The following CFAP77 variants were observed in gnomAD, a reference collection of about 807,000 sequenced individuals.
The protein encoded by CFAP77 is cilia and flagella associated protein 77.
Under a neutral mutation model 31.1 loss-of-function variants are expected in CFAP77, and 25 were observed. That is an observed-to-expected ratio of 0.80 (90% CI 0.59 to 1.12). The LOEUF (loss-of-function observed/expected upper bound fraction) is 1.12, where lower values mean the gene tolerates loss of function less well. CFAP77 is among the 50% of genes most tolerant of loss of function. The probability of loss-of-function intolerance (pLI) is 0.00; values close to 1 mark genes in which losing one functional copy is unlikely to be tolerated. For missense variants in CFAP77, 377 were observed against 397.3 expected (o/e 0.95, Z 0.44); for synonymous variants, 151 against 159.9 (o/e 0.94, Z 0.42).
At chr9:132,478,154 A>G (rs1048576125) in intron 1 of CFAP77, among the ~76,000 whole-genome samples, 1 of 152,014 alleles carries the variant, frequency 6.6e-6, no homozygotes. Context: ...TGACTCGATC[A>G]TGGGGGGTGG....
chr9:132,448,655 C>T (rs924090034), intron 1 of CFAP77, among the ~76,000 whole-genome samples: 1 of 152,140 alleles, frequency 6.6e-6, no homozygotes. Flanking sequence ...GGTGCAATCT[C>T]GGCTCACTGC....
At chr9:132,414,804 G>GATCATT (rs1850068851) in intron 1 of CFAP77, among the ~76,000 whole-genome samples, 1 of 152,136 alleles carries the variant, frequency 6.6e-6, no homozygotes, top group African/African-American at 2.4e-5. Flanking sequence ...CTGCCGCTGG[G>GATCATT]ATCATTATCA....
At chr9:132,425,660 C>CT (rs1850301542) in intron 1 of CFAP77, among the ~76,000 whole-genome samples, 1 of 152,068 alleles carries the variant, frequency 6.6e-6, no homozygotes. Flanking sequence ...AAGGCAGCAG[C>CT]CTCTAAGAGA....
chr9:132,431,013 G>C (rs1850401810), intron 1 of CFAP77, among the ~76,000 whole-genome samples: 1 of 152,226 alleles, frequency 6.6e-6, no homozygotes, highest in African/African-American at 2.4e-5. Flanking sequence ...TCAACCTGTG[G>C]TTGAAGAACC....
intron 1 of CFAP77, among the ~76,000 whole-genome samples, chr9:132,488,057 T>C (rs528643276): frequency 6.6e-6 from 1 of 152,314 alleles, no homozygotes; most frequent in Admixed American, 6.5e-5. Flanking sequence ...CAACAGGATT[T>C]CATATAACTG....
intron 1 of CFAP77, among the ~76,000 whole-genome samples, chr9:132,473,350 G>T (rs527892672): frequency 6.6e-6 from 1 of 152,140 alleles, no homozygotes; most frequent in Admixed American, 6.5e-5. Flanking sequence ...TCATCTAAGC[G>T]CCAGACACAC....
chr9:132,446,398 CG>C (rs1850717164), intron 1 of CFAP77, among the ~76,000 whole-genome samples: 1 of 151,602 alleles, frequency 6.6e-6, no homozygotes, highest in Non-Finnish European at 1.5e-5. Context: ...CGATAGATCG[CG>C]TGTAGTGCTT....
intron 1 of CFAP77, among the ~76,000 whole-genome samples, chr9:132,453,457 C>T (rs1318089455): frequency 6.6e-6 from 1 of 152,124 alleles, no homozygotes; most frequent in African/African-American, 2.4e-5. Flanking sequence ...ACCCGGGAGG[C>T]GGAGGTTGCA....
chr9:132,410,287 AG>A lies in CFAP77; in HGVS notation c.17del (p.Ser6ThrfsTer31). 6.3e-7 allele frequency: 1 copy of A among 1,580,300 alleles called. No homozygotes were observed. On this transcript the variant is annotated frameshift_variant, in exon 1 of 6. Transcript: ENST00000393216. LOFTEE classifies it high-confidence loss of function. MPEAR[S>X]SGPDLTRWRK... ...GACCTCAAGGATGCCAGAGGCCAGG[AG>A]CTCCGGCCCGGACCTCACGCGATGG...
chr9:132,516,048 G>A (rs1398917069), intron 3 of CFAP77, among the ~76,000 whole-genome samples: 1 of 152,194 alleles, frequency 6.6e-6, no homozygotes, highest in Non-Finnish European at 1.5e-5. Flanking sequence ...ATAGGGAGTG[G>A]TGGGGACTGC....
At chr9:132,559,619 G>A (rs1241876281) in intron 5 of CFAP77, among the ~76,000 whole-genome samples, 1 of 152,118 alleles carries the variant, frequency 6.6e-6, no homozygotes, top group African/African-American at 2.4e-5. Context: ...AAACACTTTG[G>A]CAGTTCTCCA....
In CFAP77 at chr9:132,410,261, C is replaced by T. The variant is rs922687842; in HGVS notation, c.-11C>T. On this transcript the variant is annotated 5_prime_UTR_variant, in exon 1 of 6. Coordinates refer to ENST00000393216, the MANE Select transcript of CFAP77 (RefSeq NM_001282957.2). ...ACCAGCCCGCGGGCCGGCTCCCCGGCGACCTCAAGGATGCCAGAGGCCAGG... is the reference window on the plus strand; with the variant it reads ...ACCAGCCCGCGGGCCGGCTCCCCGGTGACCTCAAGGATGCCAGAGGCCAGG... The T allele has an allele frequency of 2.6e-6, 4 of 1,554,226 alleles. No homozygotes were observed. The highest frequency in any genetic ancestry group is 3.5e-6 in the Non-Finnish European group (4 of 1,152,840).
Position 132,498,602 on chromosome 9 carries a change from T to C in CFAP77, c.196-93T>C. 1.1e-6 allele frequency: 1 copy of C among 933,882 alleles called. No individual in the cohort carries two copies. The highest frequency in any genetic ancestry group is 2.1e-5 in the Admixed American group (1 of 48,218). The allele number at this position is 933,882 out of a possible 1,614,324, so 57.8% of individuals were successfully genotyped here. On this transcript the variant is annotated intron_variant, in intron 1 of 5. Transcript: ENST00000393216. The surrounding 1 kb of genome is among the most constrained non-coding windows in gnomAD (Gnocchi z 4.2). ...AGGCCACGGCAGGGCCTGGGGGAAATGCAGGCATCTGGTGCCTCCCTGCTG... is the reference window on the plus strand; with the variant it reads ...AGGCCACGGCAGGGCCTGGGGGAAACGCAGGCATCTGGTGCCTCCCTGCTG...
intron 3 of CFAP77, chr9:132,513,346 GGCCGC>G: frequency 6.5e-7 from 1 of 1,543,296 alleles, no homozygotes; most frequent in Non-Finnish European, 8.7e-7. Flanking sequence ...CTAACCATCT[GGCCGC>G]TTTCGCTTCT....
intron 1 of CFAP77, among the ~76,000 whole-genome samples, chr9:132,427,055 G>A (rs374057693): frequency 5.3e-5 from 8 of 152,158 alleles, no homozygotes; most frequent in African/African-American, 1.9e-4. Flanking sequence ...CCTAATAATA[G>A]GATGAATTTA....
At chr9:132,522,510 C>A (rs573786165) in intron 3 of CFAP77, among the ~76,000 whole-genome samples, 1 of 152,118 alleles carries the variant, frequency 6.6e-6, no homozygotes, top group Non-Finnish European at 1.5e-5. Flanking sequence ...AGGGGCTCTC[C>A]GCCTGGGGCA....
intron 1 of CFAP77, among the ~76,000 whole-genome samples, chr9:132,441,125 G>A (rs977319942): frequency 6.6e-6 from 1 of 152,056 alleles, no homozygotes; most frequent in Non-Finnish European, 1.5e-5. Context: ...AGTGGGACCC[G>A]CAGCCTTTGT....
chr9:132,543,056 C>T lies in CFAP77; in HGVS notation c.732+9C>T. On this transcript the variant is annotated intron_variant, in intron 5 of 5. Transcript: ENST00000393216. ...TGCCTCACTTCCAGAAGGTCAGTGT[C>T]ACCTTCATCCACACCCCTCCCTGCA... 5.0e-6 allele frequency: 8 copies of T among 1,606,600 alleles called. No individual in the cohort carries two copies. The highest frequency in any genetic ancestry group is 6.8e-6 in the Non-Finnish European group (8 of 1,173,130).
At chr9:132,432,777 G>A (rs142737053) in intron 1 of CFAP77, among the ~76,000 whole-genome samples, 7,273 of 151,984 alleles carry the variant, frequency 0.048, 244 homozygotes, top group Non-Finnish European at 0.07. Flanking sequence ...GCAGTGGCGC[G>A]ATCTCGGCTC....
Sources: allele counts gnomAD v4.1 joint callset (sites outside exome capture counted in the v4.1 genomes callset), GRCh38; gene constraint gnomAD v4.1.1; non-coding constraint Gnocchi (gnomAD v3.1); transcripts MANE v1.5; gene names NCBI Gene and HGNC (gene_info 2026-07-23, HGNC 2026-07-21).